The following CELF5 variants were observed in gnomAD, a reference collection of about 807,000 sequenced individuals.
CELF5 encodes the protein CUGBP Elav-like family member 5.
Under a neutral mutation model 54.9 loss-of-function variants are expected in CELF5, and 6 were observed. The ratio of observed to expected loss-of-function variants is 0.11; its 90% confidence interval spans 0.06 to 0.22. CELF5 has a LOEUF of 0.22. CELF5 is among the 10% of genes least tolerant of loss of function. The probability of loss-of-function intolerance (pLI) is 1.00; values close to 1 mark genes in which losing one functional copy is unlikely to be tolerated. For synonymous variants in CELF5, 271 were observed against 290.9 expected, an observed-to-expected ratio of 0.93 and a Z score of 0.70; for missense variants, 401 against 678.6, an observed-to-expected ratio of 0.59 and a Z score of 4.54.
In CELF5 at chr19:3,228,136, A is replaced by G. The variant is rs1442285543; in HGVS notation, c.259+3138A>G. On this transcript the variant is annotated intron_variant, in intron 1 of 12. Transcript: ENST00000292672. The surrounding 1 kb of genome is among the most constrained non-coding windows in gnomAD (Gnocchi z 6.0). Reference sequence around the variant, plus strand: ...GAGAGAGAGAGAGAGAGATGAGGACACAGAGAGAGAGAGAGAGACACGCAG... The same window carrying G: ...GAGAGAGAGAGAGAGAGATGAGGACGCAGAGAGAGAGAGAGAGACACGCAG... 6.6e-6 allele frequency among the ~76,000 whole-genome samples: 1 copy of G among 151,896 alleles called. No homozygotes were observed. The highest frequency in any genetic ancestry group is 1.5e-5 in the Non-Finnish European group (1 of 67,946).
At chr19:3,265,692 A>C (rs373774559) in intron 2 of CELF5, among the ~76,000 whole-genome samples, 20 of 152,288 alleles carry the variant, frequency 1.3e-4, no homozygotes, top group African/African-American at 4.3e-4. Flanking sequence ...TGAATCATCC[A>C]TCCCTTGTTT....
chr19:3,287,034 C>CAAAAAAAAAAA (rs55661552), intron 10 of CELF5, among the ~76,000 whole-genome samples: 3 of 103,526 alleles, frequency 2.9e-5, no homozygotes, highest in Non-Finnish European at 3.7e-5. Flanking sequence ...GACTCCGTCT[C>CAAAAAAAAAAA]AAAAAAAAAA....
intron 2 of CELF5, among the ~76,000 whole-genome samples, chr19:3,255,210 A>C (rs1275168039): frequency 6.6e-6 from 1 of 151,944 alleles, no homozygotes; most frequent in Non-Finnish European, 1.5e-5. Context: ...TTTGAGACAG[A>C]GTCTCACTCT....
intron 2 of CELF5, among the ~76,000 whole-genome samples, chr19:3,262,975 G>T (rs375562285): frequency 6.6e-6 from 1 of 151,676 alleles, no homozygotes; most frequent in Non-Finnish European, 1.5e-5. Context: ...AGATAAATTT[G>T]TGGCTCACGC....
chr19:3,270,970 C>T (rs1431764476), intron 2 of CELF5, among the ~76,000 whole-genome samples: 4 of 152,010 alleles, frequency 2.6e-5, no homozygotes, highest in Non-Finnish European at 5.9e-5. Context: ...GCTTCTCTCC[C>T]CGCGGCCGCC....
intron 2 of CELF5, among the ~76,000 whole-genome samples, chr19:3,260,621 A>ATTTTT (rs34244242): frequency 9.6e-6 from 1 of 104,646 alleles, no homozygotes; most frequent in Non-Finnish European, 1.9e-5. Context: ...CACCTGGCTA[A>ATTTTT]TTTTTTTTTT....
rs1199078378 is a variant in CELF5 at position 3,278,178 on chromosome 19, C to T, written c.603+68C>T. 2.8e-6 allele frequency: 3 copies of T among 1,069,876 alleles called. No individual in the cohort carries two copies. The highest frequency in any genetic ancestry group is 1.6e-5 in the African/African-American group (1 of 64,214). The allele number at this position is 1,069,876 out of a possible 1,614,324, so 66.3% of individuals were successfully genotyped here. ...AGGGGTGAGGGGGACAGGGATGAAACAGGCCATATTCCTACCGTCGCTGTC... is the reference window on the plus strand; with the variant it reads ...AGGGGTGAGGGGGACAGGGATGAAATAGGCCATATTCCTACCGTCGCTGTC... On this transcript the variant is annotated intron_variant, in intron 5 of 12. Coordinates refer to ENST00000292672, the MANE Select transcript of CELF5 (RefSeq NM_021938.4). This position sits in a 1 kb window ranked among gnomAD's most constrained non-coding sequence, Gnocchi z 4.5.
At chr19:3,249,733 C>T (rs912794351) in intron 1 of CELF5, among the ~76,000 whole-genome samples, 2 of 152,240 alleles carry the variant, frequency 1.3e-5, no homozygotes, top group Non-Finnish European at 2.9e-5. Flanking sequence ...ACTTGTGGTC[C>T]TCTCAGACCA....
At chr19:3,236,705 C>T (rs1410645632) in intron 1 of CELF5, among the ~76,000 whole-genome samples, 1 of 152,134 alleles carries the variant, frequency 6.6e-6, no homozygotes, top group Non-Finnish European at 1.5e-5. Context: ...TGAATCTAGG[C>T]CAGGCGCGAT....
intron 1 of CELF5, among the ~76,000 whole-genome samples, chr19:3,242,894 G>C (rs2079510989): frequency 6.6e-6 from 1 of 152,150 alleles, no homozygotes. Flanking sequence ...AACCTGGGAG[G>C]TGGAGGTTGC....
chr19:3,285,035 C>T, intron 9 of CELF5, 71 bp downstream of exon 9: 1 of 1,130,968 alleles, frequency 8.8e-7, no homozygotes, highest in South Asian at 1.4e-5. Context: ...CCCCAGGGCC[C>T]GCCCCGGACG....
At chr19:3,248,056 C>T (rs1007268280) in intron 1 of CELF5, among the ~76,000 whole-genome samples, 2 of 152,190 alleles carry the variant, frequency 1.3e-5, no homozygotes, top group African/African-American at 4.8e-5. Context: ...TGCACCACCG[C>T]ACCCGGCCCA....
At chr19:3,263,222 G>A (rs543627709) in intron 2 of CELF5, among the ~76,000 whole-genome samples, 1 of 147,708 alleles carries the variant, frequency 6.8e-6, no homozygotes, top group Non-Finnish European at 1.5e-5. Context: ...ACTCCAGCCT[G>A]GGCAACAGAG....
intron 8 of CELF5, among the ~76,000 whole-genome samples, chr19:3,283,552 G>A (rs187229182): frequency 6.6e-6 from 1 of 152,180 alleles, no homozygotes; most frequent in East Asian, 1.9e-4. Flanking sequence ...ATCTTGCTGT[G>A]TTGCCCAGGC....
At chr19:3,287,050 A>G (rs1050490662) in intron 10 of CELF5, among the ~76,000 whole-genome samples, 7 of 108,542 alleles carry the variant, frequency 6.4e-5, no homozygotes, top group African/African-American at 9.2e-5. Context: ...AAAAAAAAAA[A>G]AAAGAAAAGA....
At chr19:3,232,865 G>T (rs1032834230) in intron 1 of CELF5, among the ~76,000 whole-genome samples, 1 of 152,018 alleles carries the variant, frequency 6.6e-6, no homozygotes, top group South Asian at 2.1e-4. Flanking sequence ...ACCAGAGGTC[G>T]GGAGTTCGAG....
At chr19:3,253,497 C>T (rs1304785203) in intron 2 of CELF5, among the ~76,000 whole-genome samples, 1 of 152,166 alleles carries the variant, frequency 6.6e-6, no homozygotes, top group Non-Finnish European at 1.5e-5. Flanking sequence ...TACAACATGG[C>T]ATCTTCCCCC....
intron 2 of CELF5, among the ~76,000 whole-genome samples, chr19:3,271,502 G>A (rs1480089434): frequency 2.0e-5 from 3 of 152,204 alleles, no homozygotes; most frequent in Non-Finnish European, 4.4e-5. Flanking sequence ...GTTGGGCTGG[G>A]AGGATTGGGG....
chr19:3,285,683 G>A (rs980164252), intron 9 of CELF5, among the ~76,000 whole-genome samples: 30 of 3,584 alleles, frequency 8.4e-3, no homozygotes, highest in African/African-American at 0.022. Flanking sequence ...CCCCTTCCCC[G>A]CCCCGTCTCG....
Sources: gnomAD v4.1 joint callset for allele counts (sites outside exome capture counted in the v4.1 genomes callset) on GRCh38, gnomAD v4.1.1 for gene constraint, Gnocchi (gnomAD v3.1) non-coding constraint, MANE v1.5 for transcripts, NCBI Gene and HGNC (gene_info 2026-07-23, HGNC 2026-07-21) for gene names.